The following KDM4C variants were observed in gnomAD, a reference collection of about 807,000 sequenced individuals.
KDM4C encodes the protein lysine demethylase 4C.
A neutral mutation model predicts 129.3 loss-of-function variants in KDM4C; 81 were observed. That is an observed-to-expected ratio of 0.63 (90% CI 0.52 to 0.75). The LOEUF is 0.75. Among genes scored for constraint, KDM4C ranks in the 30% least tolerant of loss-of-function variants. The probability of loss-of-function intolerance (pLI) is 0.00; values close to 1 mark genes in which losing one functional copy is unlikely to be tolerated. For missense variants in KDM4C, 1,457 were observed against 1,304.0 expected, an observed-to-expected ratio of 1.12 and a Z score of -1.81; for synonymous variants, 573 against 456.1, an observed-to-expected ratio of 1.26 and a Z score of -3.26.
intron 15 of KDM4C, among the ~76,000 whole-genome samples, chr9:7,034,561 C>A (rs1827316468): frequency 6.6e-6 from 1 of 152,116 alleles, no homozygotes; most frequent in Non-Finnish European, 1.5e-5. Flanking sequence ...GCCACATTTT[C>A]TTTATTCATC....
rs764467154 is a variant in KDM4C at position 7,174,729 on chromosome 9, G to C, written c.3171G>C (p.Ter1057TyrextTer39). ...AGAAGAAGTGCCAGAAGAGACAGTA[G>C]TCTGCATACATCGCTGCAGGCCACA... ...SFQKKCQKRQ[*>Y] The change falls in exon 22 of 22, where the codon TAG becomes TAC. Residue 1057 changes from the stop codon to tyrosine (Y), a stop_lost. Coordinates refer to ENST00000381309, the MANE Select transcript of KDM4C (RefSeq NM_015061.6). 3.1e-6 allele frequency: 5 copies of C among 1,613,730 alleles called. No individual in the cohort carries two copies. Among genetic ancestry groups the C allele is most frequent in the Non-Finnish European group, 4.2e-6 (5 of 1,179,662 alleles).
upstream of KDM4C, among the ~76,000 whole-genome samples, chr9:6,753,783 T>C (rs1481792393): frequency 1.3e-5 from 2 of 151,618 alleles, no homozygotes; most frequent in Non-Finnish European, 2.9e-5. Context: ...GGACTAATCA[T>C]CTCTCATTAT....
intron 8 of KDM4C, among the ~76,000 whole-genome samples, chr9:6,977,669 G>C (rs573003068): frequency 6.6e-6 from 1 of 152,164 alleles, no homozygotes; most frequent in South Asian, 2.1e-4. Flanking sequence ...CCTGTCATCT[G>C]CTGGGCCTCC....
chr9:7,099,648 ACAGTAT>A, intron 17 of KDM4C, among the ~76,000 whole-genome samples: 1 of 152,226 alleles, frequency 6.6e-6, no homozygotes, highest in East Asian at 1.9e-4. Flanking sequence ...CTGTGGATCA[ACAGTAT>A]CAGTATCACT....
At chr9:6,807,754 G>T (rs1189049261) in intron 3 of KDM4C, among the ~76,000 whole-genome samples, 1 of 138,926 alleles carries the variant, frequency 7.2e-6, no homozygotes, top group East Asian at 2.5e-4. Flanking sequence ...AGTGAGGAGC[G>T]TCTCCGCCCG....
intron 18 of KDM4C, among the ~76,000 whole-genome samples, chr9:7,105,654 A>G (rs540256784): frequency 5.9e-5 from 9 of 152,314 alleles, no homozygotes; most frequent in Non-Finnish European, 7.4e-5. Context: ...CCAAACCCCA[A>G]ACCTCAAATG....
At chr9:6,809,025 A>G (rs995270133) in intron 3 of KDM4C, among the ~76,000 whole-genome samples, 7 of 152,156 alleles carry the variant, frequency 4.6e-5, no homozygotes, top group African/African-American at 1.7e-4. Flanking sequence ...AAGACTTTGA[A>G]TGAATTTAGG....
intron 20 of KDM4C, among the ~76,000 whole-genome samples, chr9:7,167,203 TAA>T (rs1844478171): frequency 6.6e-6 from 1 of 152,162 alleles, no homozygotes; most frequent in African/African-American, 2.4e-5. Context: ...ACGCAGCTGG[TAA>T]AGAGAGGGCC....
At chr9:6,721,237 CTTTTTTTTTT>C (rs35919506) in intron 1 of KDM4C, 2 of 90,546 alleles carry the variant, frequency 2.2e-5, no homozygotes, top group African/African-American at 8.3e-5. Flanking sequence ...CTATGCCTGG[CTTTTTTTTTT>C]TTTTTTTTTT....
chr9:7,034,408 A>G (rs1404760060), intron 15 of KDM4C, among the ~76,000 whole-genome samples: 1 of 152,084 alleles, frequency 6.6e-6, no homozygotes, highest in African/African-American at 2.4e-5. Flanking sequence ...TTTTACTTCT[A>G]TGGGATCAAC....
intron 12 of KDM4C, among the ~76,000 whole-genome samples, chr9:6,999,764 C>T (rs1820393971): frequency 0.015 from 1 of 68 alleles, no homozygotes; most frequent in Non-Finnish European, 0.05. Context: ...ACTTGGCTTA[C>T]GAATAGGTAC....
At chr9:6,768,637 A>G (rs1037701943) in intron 1 of KDM4C, among the ~76,000 whole-genome samples, 2 of 152,162 alleles carry the variant, frequency 1.3e-5, no homozygotes, top group Non-Finnish European at 2.9e-5. Flanking sequence ...AGAATTGTGC[A>G]ATATGTATTC....
At chr9:7,045,928 A>G (rs1229547675) in intron 15 of KDM4C, among the ~76,000 whole-genome samples, 2 of 152,070 alleles carry the variant, frequency 1.3e-5, no homozygotes, top group Non-Finnish European at 2.9e-5. Context: ...AAAATTGTCA[A>G]AATTTGTTAA....
chr9:6,827,610 C>A lies in KDM4C; in HGVS notation c.435+12865C>A, dbSNP rs1017417772. Reference sequence around the variant, plus strand: ...TCCAAATGAGGTAAAACAGTTTAAACGGTTTGAGTCACCAGGAGAGTTCCT... The same window carrying A: ...TCCAAATGAGGTAAAACAGTTTAAAAGGTTTGAGTCACCAGGAGAGTTCCT... On this transcript the variant is annotated intron_variant, in intron 4 of 21. Coordinates refer to ENST00000381309, the MANE Select transcript of KDM4C (RefSeq NM_015061.6). Among the ~76,000 whole-genome samples, 3 of 152,170 alleles carry A rather than the reference C, an allele frequency of 2.0e-5. No individual in the cohort carries two copies. The East Asian group carries it at 5.8e-4, about 29-fold the overall frequency.
At chr9:6,785,359 T>G (rs11795183) in intron 1 of KDM4C, among the ~76,000 whole-genome samples, 5 of 149,664 alleles carry the variant, frequency 3.3e-5, no homozygotes, top group South Asian at 4.2e-4. Flanking sequence ...TTTTTTGAGA[T>G]GGAGTCTCAC....
intron 8 of KDM4C, among the ~76,000 whole-genome samples, chr9:6,893,905 G>A (rs1053745515): frequency 6.6e-6 from 1 of 152,170 alleles, no homozygotes; most frequent in Non-Finnish European, 1.5e-5. Flanking sequence ...TCAAAGTGAT[G>A]GTGGTTTCTA....
intron 8 of KDM4C, among the ~76,000 whole-genome samples, chr9:6,949,512 C>T (rs1827698209): frequency 6.6e-6 from 1 of 152,150 alleles, no homozygotes; most frequent in Non-Finnish European, 1.5e-5. Flanking sequence ...GAGGTTGTAG[C>T]GAGCCAAGAT....
intron 8 of KDM4C, among the ~76,000 whole-genome samples, chr9:6,963,889 T>C (rs907267670): frequency 2.0e-5 from 3 of 152,168 alleles, no homozygotes; most frequent in Non-Finnish European, 4.4e-5. Context: ...TTGCTATCAC[T>C]TTTTTAGCTA....
At chr9:6,954,317 TG>T (rs1222215986) in intron 8 of KDM4C, among the ~76,000 whole-genome samples, 7 of 152,240 alleles carry the variant, frequency 4.6e-5, no homozygotes, top group African/African-American at 1.7e-4. Flanking sequence ...ATAGTATGTT[TG>T]TTTTTATGTT....
Sources: allele counts gnomAD v4.1 joint callset (sites outside exome capture counted in the v4.1 genomes callset), GRCh38; gene constraint gnomAD v4.1.1; transcripts MANE v1.5; gene names NCBI Gene and HGNC (gene_info 2026-07-23, HGNC 2026-07-21).